The following MGAM variants were observed in gnomAD, a reference collection of about 807,000 sequenced individuals.
MGAM encodes maltase-glucoamylase.
In MGAM, 253 loss-of-function variants were observed where a neutral mutation model predicts 358.8. The ratio of observed to expected loss-of-function variants is 0.71; its 90% CI spans 0.64 to 0.78. The LOEUF (loss-of-function observed/expected upper bound fraction) is 0.78, where lower values mean the gene tolerates loss of function less well. Among genes scored for constraint, MGAM ranks in the 30% least tolerant of loss-of-function variants. MGAM has a pLI of 0.00. For synonymous variants in MGAM, 1,105 were observed against 1,227.1 expected (o/e 0.90, Z 2.08); for missense variants, 3,080 against 3,432.6 (o/e 0.90, Z 2.57).
At chr7:142,001,452 T>C (rs928578488) in intron 1 of MGAM, among the ~76,000 whole-genome samples, 6 of 152,140 alleles carry the variant, frequency 3.9e-5, no homozygotes, top group African/African-American at 1.2e-4. Flanking sequence ...ATCAAACAAT[T>C]CCTAAATTAG....
chr7:142,030,640 G>A lies in MGAM; in HGVS notation c.1354-1G>A. ...GTTCATTGTATTCTTCCTATTTTTA[G>A]GATCCAGCCATCTCCAACAACTCTT... On this transcript the variant is annotated splice_acceptor_variant, in intron 11 of 70. Transcript: ENST00000475668. LOFTEE classifies it high-confidence loss of function. 6.2e-7 allele frequency: 1 copy of A among 1,609,952 alleles called. No individual in the cohort carries two copies. The highest frequency in any genetic ancestry group is 8.5e-7 in the Non-Finnish European group (1 of 1,176,440).
At chr7:142,097,455 C>T (rs966094416) in intron 65 of MGAM, 138 bp from the exon 66 acceptor site, 20 of 774,550 alleles carry the variant, frequency 2.6e-5, no homozygotes, top group Non-Finnish European at 4.1e-5. Flanking sequence ...GGAAGGTTTC[C>T]TCAATAGGTG....
chr7:142,078,060 T>G (rs1813892476), intron 47 of MGAM, among the ~76,000 whole-genome samples: 2 of 145,088 alleles, frequency 1.4e-5, no homozygotes, highest in Admixed American at 1.4e-4. Flanking sequence ...CGCGACAGGT[T>G]TTATTTGACC....
At chr7:142,041,991 T>C (rs1381585458) in intron 21 of MGAM, among the ~76,000 whole-genome samples, 1 of 13,626 alleles carries the variant, frequency 7.3e-5, no homozygotes, top group Non-Finnish European at 1.4e-4. Flanking sequence ...TAATATAATA[T>C]ATATATATTA....
intron 15 of MGAM, 126 bp downstream of exon 15, chr7:142,034,505 A>G (rs1807805500): frequency 1.0e-6 from 1 of 973,222 alleles, no homozygotes; most frequent in African/African-American, 1.6e-5. Flanking sequence ...AAAACAAAAC[A>G]TTTAATGATA....
intron 3 of MGAM, among the ~76,000 whole-genome samples, chr7:142,014,834 A>G (rs1805845881): frequency 6.6e-6 from 1 of 152,120 alleles, no homozygotes; most frequent in East Asian, 1.9e-4. Flanking sequence ...GTATAAAATT[A>G]TGTCAATTTT....
intron 6 of MGAM, 32 bp from the exon 7 acceptor site, chr7:142,022,236 C>A: frequency 6.4e-7 from 1 of 1,568,600 alleles, no homozygotes; most frequent in South Asian, 1.2e-5. Context: ...CCTGCTTGCT[C>A]ACCCATCCTT....
chr7:141,988,237 G>A (rs891369411), intron 2 of MGAM, among the ~76,000 whole-genome samples: 9 of 152,152 alleles, frequency 5.9e-5, no homozygotes, highest in African/African-American at 1.4e-4. Context: ...GCAGTGAGCC[G>A]AGATTGCGCC....
rs1490153745 is a variant in MGAM, at chr7:142,019,451, T to C, written c.448+132T>C. The C allele has an allele frequency of 1.0e-5, 10 of 987,728 alleles. 1 individual carries two copies. The East Asian group carries it at 1.4e-4, about 14-fold the overall frequency. The allele number at this position is 987,728 out of a possible 1,614,324, so 61.2% of individuals were successfully genotyped here. On this transcript the variant is annotated intron_variant, in intron 4 of 70. Coordinates refer to ENST00000475668, the MANE Select transcript of MGAM (RefSeq NM_001365693.1). ...ACATGTGACAGAAGGTGGGCATTGC[T>C]CTTAATCGAGGACTAGAATCTATGT...
intron 21 of MGAM, among the ~76,000 whole-genome samples, chr7:142,041,991 TATATATATTATATATATAATATAA>T: frequency 7.3e-5 from 1 of 13,626 alleles, no homozygotes; most frequent in African/African-American, 2.7e-4. Context: ...TAATATAATA[TATATATATTATATATATAATATAA>T]TATATATATA....
At position 142,073,944 on chromosome 7, in the gene MGAM, G is replaced by A. The variant is rs1345220443; in HGVS notation, c.5187-141G>A. 17 of 649,884 alleles carry A rather than the reference G, an allele frequency of 2.6e-5. 2 individuals carry two copies. In the Admixed American group the frequency reaches 3.6e-4, roughly 14 times the overall value. 40.3% of individuals were successfully genotyped at this position (649,884 alleles called of 1,614,324 possible). On this transcript the variant is annotated intron_variant, in intron 44 of 70. Transcript: ENST00000475668. ...GATATTATAGAAAAATGCATCTGTC[G>A]ATTTTGTGTTTGTACCTCAAGAAAC...
At chr7:142,053,043 A>G (rs1300378024) in intron 26 of MGAM, 59 bp downstream of exon 26, 6 of 1,547,032 alleles carry the variant, frequency 3.9e-6, no homozygotes, top group Non-Finnish European at 5.3e-6. Flanking sequence ...ATTACCTTTT[A>G]TTGGTCTGGA....
chr7:142,009,288 C>T (rs1554453625), intron 3 of MGAM, among the ~76,000 whole-genome samples: 2 of 152,182 alleles, frequency 1.3e-5, no homozygotes, highest in African/African-American at 4.8e-5. Flanking sequence ...TCTAGATTAT[C>T]GGCTGAAGTC....
chr7:142,030,818 C>CTG (rs66639847), intron 12 of MGAM, 61 bp downstream of exon 12: 918 of 782,628 alleles, frequency 1.2e-3, no homozygotes, highest in South Asian at 3.1e-3. Context: ...TTGAATGTGT[C>CTG]TGTGTGTGTG....
chr7:142,045,188 A>G (rs1297636326), intron 21 of MGAM, among the ~76,000 whole-genome samples: 1 of 41,884 alleles, frequency 2.4e-5, no homozygotes, highest in Non-Finnish European at 3.9e-5. Context: ...AACATATATG[A>G]TATATAATAT....
At chr7:142,089,769 A>G (rs1316022391) in intron 57 of MGAM, among the ~76,000 whole-genome samples, 1 of 145,964 alleles carries the variant, frequency 6.9e-6, no homozygotes, top group Admixed American at 6.9e-5. Flanking sequence ...CCTGGGTGAC[A>G]CAGCGAGACT....
At chr7:142,097,751 C>T in intron 66 of MGAM, 102 bp downstream of exon 66, 1 of 1,296,186 alleles carries the variant, frequency 7.7e-7, no homozygotes, top group Admixed American at 1.9e-5. Context: ...TGTAACCCAC[C>T]TGCTGTGTGG....
rs1291658038 is a variant in MGAM at position 142,023,678 on chromosome 7, C to CA, written c.882+1248dup. On this transcript the variant is annotated intron_variant, in intron 7 of 70. Transcript: ENST00000475668. ...TGGGTGACAGAGCGAGACTCTGTCT[C>CA]AAAAAAAAAGAGGTTGTAAGAACAG... is the stretch of plus-strand genomic sequence containing the variant. Among the ~76,000 whole-genome samples, 54 of 149,472 alleles carry CA rather than the reference C, an allele frequency of 3.6e-4. No individual in the cohort carries two copies. The South Asian group carries it at 4.9e-3, about 14-fold the overall frequency.
Position 142,065,932 on chromosome 7 carries a change from TA to T in MGAM, c.4770+108del, listed in dbSNP as rs1310871346. On this transcript the variant is annotated intron_variant, in intron 40 of 70. Coordinates refer to ENST00000475668, the MANE Select transcript of MGAM (RefSeq NM_001365693.1). ...CAGTCTCTATTTCCTGGGATATCTT[TA>T]AAAAAAGGTGTTTTTTTTTGTTTTG... The T allele has an allele frequency of 1.3e-5, 13 of 984,814 alleles. 1 individual carries two copies. Among genetic ancestry groups the T allele is most frequent in the South Asian group, 3.4e-5 (2 of 59,680 alleles). The allele number at this position is 984,814 out of a possible 1,614,324, so 61.0% of individuals were successfully genotyped here.
Sources: allele counts gnomAD v4.1 joint callset (sites outside exome capture counted in the v4.1 genomes callset), GRCh38; gene constraint gnomAD v4.1.1; transcripts MANE v1.5; gene names NCBI Gene and HGNC (gene_info 2026-07-23, HGNC 2026-07-21).